FBXO36: variants seen among roughly 807,000 people sequenced by gnomAD.
FBXO36 encodes F-box protein 36.
A neutral mutation model predicts 17.0 loss-of-function variants in FBXO36; 18 were observed. The observed-to-expected ratio is 1.06, with a 90% CI of 0.73 to 1.57. FBXO36 has a LOEUF of 1.57. FBXO36 is among the 40% of genes most tolerant of loss of function. The pLI, the probability that FBXO36 is intolerant of heterozygous loss-of-function variation, is 0.00. For missense variants in FBXO36, 229 were observed against 221.9 expected (o/e 1.03, Z -0.20); for synonymous variants, 83 against 85.3 (o/e 0.97, Z 0.15).
At chr2:230,010,460 T>G (rs1178434870) in intron 3 of FBXO36, among the ~76,000 whole-genome samples, 1 of 152,080 alleles carries the variant, frequency 6.6e-6, no homozygotes, top group East Asian at 1.9e-4. Flanking sequence ...GGTAGGAGGA[T>G]GTTCTTTCTA....
At chr2:229,972,638 A>C (rs548178159) in intron 1 of FBXO36, among the ~76,000 whole-genome samples, 2 of 151,874 alleles carry the variant, frequency 1.3e-5, no homozygotes, top group South Asian at 4.2e-4. Flanking sequence ...ATGTCATCCC[A>C]CCGACATTCA....
chr2:229,932,878 A>G, intron 1 of FBXO36: 1 of 333,526 alleles, frequency 3.0e-6, no homozygotes, highest in African/African-American at 2.2e-5. Flanking sequence ...GACCAGCCTG[A>G]CAAACATGGT....
At position 229,958,502 on chromosome 2, in the gene FBXO36, CTTG is replaced by C. The variant is rs553178660; in HGVS notation, c.97-17737_97-17735del. Among the ~76,000 whole-genome samples the C allele has an allele frequency of 1.7e-3, 257 of 152,262 alleles. 1 individual carries two copies. Among genetic ancestry groups the C allele is most frequent in the African/African-American group, 5.8e-3 (241 of 41,564 alleles). On this transcript the variant is annotated intron_variant, in intron 1 of 3. Coordinates refer to ENST00000283946, the MANE Select transcript of FBXO36 (RefSeq NM_174899.5). ...GCCAGGCTGATCTCGAACTCCTGAC[CTTG>C]TGATCTGCCCACCTTGGCCTCCCTA...
chr2:229,953,493 T>C (rs1308190548), intron 1 of FBXO36, among the ~76,000 whole-genome samples: 2 of 151,428 alleles, frequency 1.3e-5, no homozygotes, highest in African/African-American at 4.9e-5. Flanking sequence ...CTGGGCAATA[T>C]GGCAAAACCT....
At chr2:229,989,806 C>T (rs2077289315) in intron 2 of FBXO36, among the ~76,000 whole-genome samples, 1 of 150,774 alleles carries the variant, frequency 6.6e-6, no homozygotes, top group South Asian at 2.1e-4. Flanking sequence ...AACTTCTGAC[C>T]TCGTGATCCA....
intron 1 of FBXO36, among the ~76,000 whole-genome samples, chr2:229,925,167 C>G (rs1041921665): frequency 1.3e-5 from 2 of 151,266 alleles, no homozygotes; most frequent in Non-Finnish European, 2.9e-5. Flanking sequence ...ATCTCAGGTT[C>G]TGTCAGTTAC....
chr2:229,981,093 G>A (rs930027720), intron 2 of FBXO36, among the ~76,000 whole-genome samples: 22 of 152,166 alleles, frequency 1.4e-4, no homozygotes, highest in Admixed American at 9.2e-4. Context: ...CCACCAGCCC[G>A]CTGTGTGATC....
intron 2 of FBXO36, among the ~76,000 whole-genome samples, chr2:229,986,155 T>G (rs1255869179): frequency 6.6e-6 from 1 of 152,202 alleles, no homozygotes; most frequent in Admixed American, 6.6e-5. Flanking sequence ...GAGTTTCTGT[T>G]ATATCCTTAT....
At position 229,940,752 on chromosome 2, in the gene FBXO36, A is replaced by G. The variant is rs368891403; in HGVS notation, c.96+18143A>G. Reference sequence around the variant, plus strand: ...GATTTTCAGCAAACTAGCAGAAGCTAAGAAGAGACTTCTTCCCCTTCAGAA... The same window carrying G: ...GATTTTCAGCAAACTAGCAGAAGCTGAGAAGAGACTTCTTCCCCTTCAGAA... On this transcript the variant is annotated intron_variant, in intron 1 of 3. Transcript: ENST00000283946. Among the ~76,000 whole-genome samples, 110 of 152,306 alleles carry G rather than the reference A, an allele frequency of 7.2e-4. 1 individual carries two copies. The highest frequency in any genetic ancestry group is 5.2e-3 in the South Asian group (25 of 4,826).
At chr2:229,988,852 T>G (rs887298008) in intron 2 of FBXO36, among the ~76,000 whole-genome samples, 84 of 151,076 alleles carry the variant, frequency 5.6e-4, no homozygotes, top group African/African-American at 1.8e-3. Context: ...TTGTTTTTTT[T>G]TTTTTACCGC....
intron 3 of FBXO36, among the ~76,000 whole-genome samples, chr2:230,002,598 G>A (rs1464827577): frequency 2.0e-5 from 3 of 151,938 alleles, no homozygotes; most frequent in East Asian, 3.9e-4. Context: ...TGCGCTGGTT[G>A]GTCTTGAATT....
At chr2:229,926,142 AAAAG>A (rs2076910858) in intron 1 of FBXO36, among the ~76,000 whole-genome samples, 1 of 150,994 alleles carries the variant, frequency 6.6e-6, no homozygotes, top group African/African-American at 2.4e-5. Context: ...AAAAAAAAAA[AAAAG>A]GGGGGGCTGA....
chr2:229,956,068 CAT>C (rs2077085670), intron 1 of FBXO36, among the ~76,000 whole-genome samples: 1 of 152,212 alleles, frequency 6.6e-6, no homozygotes, highest in South Asian at 2.1e-4. Flanking sequence ...GTACATGTCA[CAT>C]GTTAGCCACT....
At chr2:229,945,298 T>G (rs192849244) in intron 1 of FBXO36, among the ~76,000 whole-genome samples, 141 of 152,050 alleles carry the variant, frequency 9.3e-4, no homozygotes, top group Admixed American at 1.8e-3. Flanking sequence ...ATTTCTGTTT[T>G]TTTGTTTGTT....
chr2:229,971,538 A>C (rs187093410), intron 1 of FBXO36, among the ~76,000 whole-genome samples: 1 of 152,174 alleles, frequency 6.6e-6, no homozygotes, highest in East Asian at 1.9e-4. Flanking sequence ...CTTGCCTCCT[A>C]GAGCTACTGA....
intron 1 of FBXO36, among the ~76,000 whole-genome samples, chr2:229,958,548 C>T (rs563172573): frequency 3.3e-4 from 50 of 152,180 alleles, no homozygotes; most frequent in Admixed American, 4.6e-4. Context: ...GGATTACAGG[C>T]GCGAGCCACC....
chr2:230,004,951 A>G (rs1434418298), intron 3 of FBXO36, among the ~76,000 whole-genome samples: 4 of 152,200 alleles, frequency 2.6e-5, no homozygotes, highest in Admixed American at 6.5e-5. Flanking sequence ...GTTTGCAGTG[A>G]GCCGAGATTG....
chr2:229,932,833 G>A (rs2076945836), intron 1 of FBXO36: 1 of 268,028 alleles, frequency 3.7e-6, no homozygotes, highest in Non-Finnish European at 7.9e-6. Flanking sequence ...ACTTTGGGAG[G>A]CCGAGCCAGG....
intron 1 of FBXO36, among the ~76,000 whole-genome samples, chr2:229,960,940 C>G (rs1577342406): frequency 6.6e-6 from 1 of 152,180 alleles, no homozygotes; most frequent in African/African-American, 2.4e-5. Context: ...GAAACCCCAA[C>G]TCTACTAAAA....
Sources: gnomAD v4.1 joint callset for allele counts (sites outside exome capture counted in the v4.1 genomes callset) on GRCh38, gnomAD v4.1.1 for gene constraint, MANE v1.5 for transcripts, NCBI Gene and HGNC (gene_info 2026-07-23, HGNC 2026-07-21) for gene names.